REEP3: variants seen among roughly 807,000 people sequenced by gnomAD.
REEP3 encodes receptor accessory protein 3, also known as receptor expression-enhancing protein 3.
Under a neutral mutation model 41.3 loss-of-function variants are expected in REEP3, and 20 were observed. The observed-to-expected ratio is 0.48, with a 90% CI of 0.34 to 0.70. REEP3 has a LOEUF of 0.70. Ranked by LOEUF, REEP3 falls within the 30% of genes least tolerant of loss-of-function variation. REEP3 has a pLI of 0.01. For synonymous variants in REEP3, 104 were observed against 101.8 expected (o/e 1.02, Z -0.13); for missense variants, 271 against 308.8 (o/e 0.88, Z 0.92).
rs56283803 is a variant in REEP3, at chr10:63,583,294, G to A, written c.106-11484G>A. On this transcript the variant is annotated intron_variant, in intron 2 of 7. Transcript: ENST00000373758. The stretch of plus-strand genomic sequence containing the variant: ...GCGTCAGCCACGGTGCCTGGCCCCC[G>A]GAGTTTTTTTTCTATCAGTCTTTGC... Among the ~76,000 whole-genome samples the A allele has an allele frequency of 6.4e-3, 972 of 152,168 alleles. 3 individuals carry two copies. Among genetic ancestry groups the A allele is most frequent in the Admixed American group, 0.011 (174 of 15,272 alleles).
At position 63,623,520 on chromosome 10, in the gene REEP3, T is replaced by A. The variant is rs1164494602; in HGVS notation, c.*2651T>A. Reference sequence around the variant, plus strand: ...GGAACTATTTTGGTAGATGTTTGAGTTTATACAGAAATTGCAGCTGGTATT... The same window carrying A: ...GGAACTATTTTGGTAGATGTTTGAGATTATACAGAAATTGCAGCTGGTATT... On this transcript the variant is annotated 3_prime_UTR_variant, in exon 8 of 8. Transcript: ENST00000373758. 2 of 152,352 alleles carry A rather than the reference T, an allele frequency of 1.3e-5. No homozygotes were observed. The highest frequency in any genetic ancestry group is 2.9e-5 in the Non-Finnish European group (2 of 68,186). The allele number at this position is 152,352 out of a possible 1,614,324, so 9.4% of individuals were successfully genotyped here.
rs1589889714 is a variant in REEP3, at chr10:63,613,387, G to T, written c.565+3053G>T. ...GTTTAGTTCTTAAATTTCAAATCATGAAATTAAATAAGTTTTATAAAAATA... is the reference window on the plus strand; with the variant it reads ...GTTTAGTTCTTAAATTTCAAATCATTAAATTAAATAAGTTTTATAAAAATA... On this transcript the variant is annotated intron_variant, in intron 6 of 7. Transcript: ENST00000373758. Among the ~76,000 whole-genome samples the T allele has an allele frequency of 3.9e-5, 6 of 152,244 alleles. 1 individual carries two copies. The highest frequency in any genetic ancestry group is 3.9e-4 in the Admixed American group (6 of 15,294).
At chr10:63,618,526 C>G (rs1022794929) in intron 6 of REEP3, among the ~76,000 whole-genome samples, 1 of 151,928 alleles carries the variant, frequency 6.6e-6, no homozygotes, top group Non-Finnish European at 1.5e-5. Context: ...GGATTACAGG[C>G]GTGAGCCACC....
intron 5 of REEP3, among the ~76,000 whole-genome samples, chr10:63,602,233 G>GT (rs1956178480): frequency 1.3e-5 from 2 of 152,288 alleles, no homozygotes; most frequent in African/African-American, 4.8e-5. Context: ...AACAACTGTG[G>GT]TTTTGCCATA....
At chr10:63,611,799 TA>T (rs1564492586) in intron 6 of REEP3, among the ~76,000 whole-genome samples, 2 of 151,406 alleles carry the variant, frequency 1.3e-5, no homozygotes, top group Non-Finnish European at 1.5e-5. Flanking sequence ...TTTTTTTTTT[TA>T]TTAGCTGAGT....
intron 1 of REEP3, among the ~76,000 whole-genome samples, chr10:63,559,405 GA>G (rs1955720748): frequency 6.6e-6 from 1 of 151,912 alleles, no homozygotes; most frequent in African/African-American, 2.4e-5. Context: ...TTCATCTGTT[GA>G]CTTTTTTCTT....
chr10:63,586,742 G>A (rs1001378277), intron 2 of REEP3, among the ~76,000 whole-genome samples: 43 of 151,968 alleles, frequency 2.8e-4, no homozygotes, highest in African/African-American at 9.7e-4. Context: ...GTGTTGCCCA[G>A]GCTGGTCTGG....
rs148381276 is a variant in REEP3 at position 63,601,673 on chromosome 10, C to T, written c.417+2390C>T. 2.6e-3 allele frequency among the ~76,000 whole-genome samples: 391 copies of T among 152,252 alleles called. 2 individuals carry two copies. The highest frequency in any genetic ancestry group is 4.8e-3 in the Non-Finnish European group (324 of 68,018). ...GTGGCTCACACCTGTAATCCCAGCA[C>T]TTTGGGAGGCCGAGGTAGGTGGATC... On this transcript the variant is annotated intron_variant, in intron 5 of 7. Coordinates refer to ENST00000373758, the MANE Select transcript of REEP3 (RefSeq NM_001001330.3).
At chr10:63,608,043 A>G (rs1332894954) in intron 5 of REEP3, among the ~76,000 whole-genome samples, 3 of 152,204 alleles carry the variant, frequency 2.0e-5, no homozygotes, top group Non-Finnish European at 4.4e-5. Flanking sequence ...GTGGCAGTAA[A>G]TAAAGAAATC....
chr10:63,605,183 T>C (rs1003632271), intron 5 of REEP3, among the ~76,000 whole-genome samples: 1 of 152,222 alleles, frequency 6.6e-6, no homozygotes, highest in Middle Eastern at 3.2e-3. Flanking sequence ...ATAAGTAGTT[T>C]TGGTGGTAGG....
intron 2 of REEP3, among the ~76,000 whole-genome samples, chr10:63,584,255 T>C (rs1955982495): frequency 6.6e-6 from 1 of 152,026 alleles, no homozygotes; most frequent in Admixed American, 6.6e-5. Context: ...AGGTAAACAA[T>C]GTTGCTGCCA....
chr10:63,603,110 G>A (rs1226511540), intron 5 of REEP3, among the ~76,000 whole-genome samples: 5 of 151,300 alleles, frequency 3.3e-5, no homozygotes, highest in African/African-American at 4.9e-5. Context: ...TCAGGAGATT[G>A]AGACCATCCT....
At chr10:63,561,300 T>C (rs1955737012) in intron 1 of REEP3, among the ~76,000 whole-genome samples, 1 of 152,144 alleles carries the variant, frequency 6.6e-6, no homozygotes, top group Non-Finnish European at 1.5e-5. Flanking sequence ...TCTTCTAAAA[T>C]GCAAAATAGC....
chr10:63,599,448 C>A (rs1301544841), intron 5 of REEP3, 165 bp downstream of exon 5: 1 of 432,312 alleles, frequency 2.3e-6, no homozygotes, highest in Non-Finnish European at 3.9e-6. Flanking sequence ...TTGTGTTTTC[C>A]ATACTTGATA....
At chr10:63,538,540 C>T (rs1188560376) in intron 1 of REEP3, among the ~76,000 whole-genome samples, 2 of 152,062 alleles carry the variant, frequency 1.3e-5, no homozygotes, top group Non-Finnish European at 2.9e-5. Flanking sequence ...TCAAGATCAG[C>T]CTGGCCAACA....
At chr10:63,574,059 G>C (rs1288876959) in intron 2 of REEP3, among the ~76,000 whole-genome samples, 1 of 152,060 alleles carries the variant, frequency 6.6e-6, no homozygotes, top group Non-Finnish European at 1.5e-5. Context: ...AGTTCCCCAG[G>C]CTCCCATCCC....
chr10:63,521,921 C>T (rs1412913005), intron 1 of REEP3: 2 of 150,598 alleles, frequency 1.3e-5, no homozygotes, highest in African/African-American at 2.4e-5. Flanking sequence ...CCCGCTCCTG[C>T]TCCCCGCGCA....
At chr10:63,589,961 AT>A (rs1956045239) in intron 2 of REEP3, among the ~76,000 whole-genome samples, 1 of 151,570 alleles carries the variant, frequency 6.6e-6, no homozygotes, top group Non-Finnish European at 1.5e-5. Context: ...TGCCCGGCTA[AT>A]TTTTGTATTT....
chr10:63,566,252 A>G, intron 1 of REEP3, 86 bp from the exon 2 acceptor site: 1 of 716,136 alleles, frequency 1.4e-6, no homozygotes, highest in Non-Finnish European at 2.4e-6. Flanking sequence ...ACAAATTTAC[A>G]GTTATTTGTT....
Sources: allele counts gnomAD v4.1 joint callset (sites outside exome capture counted in the v4.1 genomes callset), GRCh38; gene constraint gnomAD v4.1.1; transcripts MANE v1.5; gene names NCBI Gene and HGNC (gene_info 2026-07-23, HGNC 2026-07-21).